Variants in ZNF239 observed in about 807,000 individuals in gnomAD.
The protein encoded by ZNF239 is zinc finger protein (C2H2) homologous to mouse MOK-2.
Under a neutral mutation model 27.5 loss-of-function variants are expected in ZNF239, and 16 were observed. That is an observed-to-expected ratio of 0.58 (90% CI 0.39 to 0.88). The LOEUF (loss-of-function observed/expected upper bound fraction) is 0.88. Ranked by LOEUF, ZNF239 falls within the 40% of genes least tolerant of loss-of-function variation. ZNF239 has a pLI of 0.00. For missense variants in ZNF239, 527 were observed against 551.9 expected (o/e 0.95, Z 0.45); for synonymous variants, 199 against 192.6 (o/e 1.03, Z -0.27).
At position 43,557,649 on chromosome 10, in the gene ZNF239, T is replaced by C. The variant is rs1324753885; in HGVS notation, c.431A>G (p.Lys144Arg). 6.2e-7 allele frequency: 1 copy of C among 1,614,226 alleles called. No individual in the cohort carries two copies. The highest frequency in any genetic ancestry group is 1.7e-5 in the Admixed American group (1 of 60,022). ...ACAGTCAATGGGATCCAAAGATTCT[T>C]TTAACTGGCCATTCTGGCAAGTTGC... ...GEATCQNGQL[K>R]ESLDPIDCNC... Residue 144 changes from lysine to arginine, a missense_variant, in exon 4 of 4, where the codon AAA becomes AGA. Coordinates refer to ENST00000374446, the MANE Select transcript of ZNF239 (RefSeq NM_001099282.2).
Position 43,557,410 on chromosome 10 carries a change from G to T in ZNF239, c.670C>A (p.Leu224Ile). 2 of 1,614,228 alleles carry T rather than the reference G, an allele frequency of 1.2e-6. No individual in the cohort carries two copies. The highest frequency in any genetic ancestry group is 1.7e-6 in the Non-Finnish European group (2 of 1,180,048). Residue 224 changes from leucine (L) to isoleucine (I), a missense_variant, in exon 4 of 4, where the codon CTT becomes ATT. Coordinates refer to ENST00000374446, the MANE Select transcript of ZNF239 (RefSeq NM_001099282.2). ...KNFSQSSELLLHQRDHTEEKP... is the reference protein window; with the variant it reads ...KNFSQSSELLIHQRDHTEEKP... ...TCTTCTGTGTGGTCTCTCTGATGAA[G>T]TAGTAGCTCTGAGCTTTGACTGAAG...
chr10:43,564,142 G>T, intron 3 of ZNF239: 1 of 225,052 alleles, frequency 4.4e-6, no homozygotes, highest in Non-Finnish European at 7.4e-6. Context: ...CCCCTCCCTA[G>T]CCACCTGTTT....
intron 2 of ZNF239, among the ~76,000 whole-genome samples, chr10:43,569,526 G>A (rs1174207777): frequency 6.6e-6 from 1 of 152,112 alleles, no homozygotes; most frequent in African/African-American, 2.4e-5. Context: ...GCAGGCCCTT[G>A]AACTGCATCA....
chr10:43,570,704 A>G, intron 2 of ZNF239: 1 of 900,978 alleles, frequency 1.1e-6, no homozygotes, highest in Non-Finnish European at 1.3e-6. Context: ...TTCCATTTCC[A>G]CTGCCAGTCT....
chr10:43,563,771 T>A (rs1353630223), intron 3 of ZNF239, among the ~76,000 whole-genome samples: 1 of 152,134 alleles, frequency 6.6e-6, no homozygotes, highest in Non-Finnish European at 1.5e-5. Flanking sequence ...CATTCCTTGA[T>A]ACAATGGCTG....
intron 2 of ZNF239, among the ~76,000 whole-genome samples, chr10:43,573,180 T>C (rs1838138527): frequency 6.6e-6 from 1 of 152,238 alleles, no homozygotes; most frequent in Non-Finnish European, 1.5e-5. Flanking sequence ...TCATAGTTAA[T>C]AAATTATCAC....
At chr10:43,563,629 T>G (rs1837428554) in intron 3 of ZNF239, among the ~76,000 whole-genome samples, 1 of 152,198 alleles carries the variant, frequency 6.6e-6, no homozygotes, top group Non-Finnish European at 1.5e-5. Context: ...GTATGTTCCA[T>G]TTTATGTTAA....
intron 2 of ZNF239, among the ~76,000 whole-genome samples, chr10:43,569,329 C>T (rs192979689): frequency 2.6e-5 from 4 of 152,296 alleles, no homozygotes; most frequent in East Asian, 3.9e-4. Flanking sequence ...CTCCCCCAAA[C>T]ATGAGTTTTC....
At chr10:43,570,499 T>A in intron 2 of ZNF239, 1 of 985,104 alleles carries the variant, frequency 1.0e-6, no homozygotes, top group Non-Finnish European at 1.2e-6. Context: ...TTCCTGTGCA[T>A]TCTAGATCAA....
chr10:43,557,385 T>G lies in ZNF239; in HGVS notation c.695A>C (p.Glu232Ala). Reference sequence around the variant, plus strand: ...ACATTGCTCACATTTGTAGGGTTTTTCTTCTGTGTGGTCTCTCTGATGAAG... The same window carrying G: ...ACATTGCTCACATTTGTAGGGTTTTGCTTCTGTGTGGTCTCTCTGATGAAG... ...LLLHQRDHTE[E>A]KPYKCEQCGK... Residue 232 changes from glutamate (E) to alanine (A), a missense_variant, in exon 4 of 4, where the codon GAA (glutamate) becomes GCA (alanine). Transcript: ENST00000374446. 1 of 1,614,226 alleles carries G rather than the reference T, an allele frequency of 6.2e-7. No individual in the cohort carries two copies. Among genetic ancestry groups the G allele is most frequent in the South Asian group, 1.1e-5 (1 of 91,082 alleles).
In ZNF239 at chr10:43,557,438, C is replaced by A; in HGVS notation, c.642G>T (p.Lys214Asn). Residue 214 changes from lysine (K) to asparagine (N), a missense_variant, in exon 4 of 4, where the codon AAG (lysine) becomes AAT (asparagine). Coordinates refer to ENST00000374446, the MANE Select transcript of ZNF239 (RefSeq NM_001099282.2). ...GTAGCTCTGAGCTTTGACTGAAGTT[C>A]TTACCACACTGACTACATTCGTATT... ...EKQYECSQCG[K>N]NFSQSSELLL... 6.2e-7 allele frequency: 1 copy of A among 1,614,128 alleles called. No homozygotes were observed.
chr10:43,572,599 A>C (rs1838102238), intron 2 of ZNF239, among the ~76,000 whole-genome samples: 1 of 152,218 alleles, frequency 6.6e-6, no homozygotes, highest in African/African-American at 2.4e-5. Context: ...TGCTCTCTGA[A>C]ACAAAGGACA....
chr10:43,566,446 C>G (rs1172513034), intron 3 of ZNF239, among the ~76,000 whole-genome samples: 1 of 152,116 alleles, frequency 6.6e-6, no homozygotes, highest in African/African-American at 2.4e-5. Flanking sequence ...CCGCCATGTC[C>G]TGCTAATTTT....
At position 43,573,638 on chromosome 10, in the gene ZNF239, C is replaced by T. The variant is rs1327795934; in HGVS notation, c.-217G>A. 3.0e-6 allele frequency: 3 copies of T among 985,274 alleles called. No homozygotes were observed. In the African/African-American group the frequency reaches 5.2e-5, roughly 17 times the overall value. The allele number at this position is 985,274 out of a possible 1,614,324, so 61.0% of individuals were successfully genotyped here. Reference sequence around the variant, plus strand: ...AGGAGAAATGGAACGCCAACTCACCCGGACCCTGGTCATTTCTTACTCCCA... The same window carrying T: ...AGGAGAAATGGAACGCCAACTCACCTGGACCCTGGTCATTTCTTACTCCCA... On this transcript the variant is annotated splice_region_variant and 5_prime_UTR_variant, in exon 2 of 4. Transcript: ENST00000374446.
At chr10:43,571,048 C>G in intron 2 of ZNF239, 4 of 983,468 alleles carry the variant, frequency 4.1e-6, no homozygotes, top group Non-Finnish European at 4.8e-6. Context: ...AATCAACAGT[C>G]TTCCCAGGTA....
chr10:43,564,889 T>A (rs1431548176), intron 3 of ZNF239, among the ~76,000 whole-genome samples: 1 of 152,010 alleles, frequency 6.6e-6, no homozygotes, highest in East Asian at 1.9e-4. Flanking sequence ...ACAACTTTAA[T>A]ACTGACAAAA....
intron 2 of ZNF239, among the ~76,000 whole-genome samples, chr10:43,573,402 C>T (rs1338052992): frequency 6.6e-6 from 1 of 152,170 alleles, no homozygotes; most frequent in Non-Finnish European, 1.5e-5. Flanking sequence ...CAGGAGGGCA[C>T]AGCCCACTGC....
At chr10:43,559,893 A>G (rs905414971) in intron 3 of ZNF239, among the ~76,000 whole-genome samples, 2 of 152,224 alleles carry the variant, frequency 1.3e-5, no homozygotes, top group African/African-American at 4.8e-5. Flanking sequence ...CAAATTATGT[A>G]TAACAGAAGG....
rs770116550 is a variant in ZNF239 at position 43,557,284 on chromosome 10, C to T, written c.796G>A (p.Asp266Asn). The change falls in exon 4 of 4, where the codon GAC becomes AAC. Residue 266 changes from aspartate to asparagine, a missense_variant. By Grantham distance (23) the Asp-to-Asn change is conservative. Coordinates refer to ENST00000374446, the MANE Select transcript of ZNF239 (RefSeq NM_001099282.2). ...VHTDEKPYKC[D>N]KCGKGFTRSS... ...CTGGTGAAGCCCTTCCCACACTTGT[C>T]ACACTTATAAGGCTTCTCATCTGTG... 4.1e-5 allele frequency: 66 copies of T among 1,613,936 alleles called. No individual in the cohort carries two copies. The South Asian group carries it at 7.0e-4, about 17-fold the overall frequency.
Sources: allele counts gnomAD v4.1 joint callset (sites outside exome capture counted in the v4.1 genomes callset), GRCh38; gene constraint gnomAD v4.1.1; transcripts MANE v1.5; gene names NCBI Gene and HGNC (gene_info 2026-07-23, HGNC 2026-07-21).